Variants in FAM114A1 observed in about 807,000 individuals in gnomAD.
The protein encoded by FAM114A1 is family with sequence similarity 114 member A1, also known as protein NOXP20.
In FAM114A1, 62 loss-of-function variants were observed where a neutral mutation model predicts 64.3. The observed-to-expected ratio is 0.96, with a 90% CI of 0.79 to 1.19. The LOEUF is 1.19. FAM114A1 is among the 50% of genes most tolerant of loss of function. The pLI is 0.00. For synonymous variants in FAM114A1, 254 were observed against 251.1 expected, an observed-to-expected ratio of 1.01 and a Z score of -0.11; for missense variants, 645 against 676.3, an observed-to-expected ratio of 0.95 and a Z score of 0.51.
rs907089218 is a variant in FAM114A1, at chr4:38,943,654, A to T, written c.*97A>T. ...GTTCTCTGTGCGCCTGGCCACAGAC[A>T]TCCATTTGAGGACACTACAAGCAAT... is the stretch of plus-strand genomic sequence containing the variant. On this transcript the variant is annotated 3_prime_UTR_variant, in exon 15 of 15. Transcript: ENST00000358869. The T allele has an allele frequency of 1.9e-6, 2 of 1,052,992 alleles. No individual in the cohort carries two copies. The highest frequency in any genetic ancestry group is 2.9e-6 in the Non-Finnish European group (2 of 688,500). The allele number at this position is 1,052,992 out of a possible 1,614,324, so 65.2% of individuals were successfully genotyped here. A position where few individuals can be genotyped will look rare whatever the true frequency, so the allele number is the denominator to read the frequency against.
chr4:38,908,468 GA>G, intron 6 of FAM114A1, 123 bp from the exon 7 acceptor site: 1 of 923,894 alleles, frequency 1.1e-6, no homozygotes, highest in Non-Finnish European at 1.5e-6. Context: ...CTCCTGATGA[GA>G]AAAAATTGTG....
At chr4:38,935,902 A>G (rs1344290098) in intron 13 of FAM114A1, 112 bp downstream of exon 13, 3 of 773,916 alleles carry the variant, frequency 3.9e-6, no homozygotes, top group Non-Finnish European at 2.2e-6. Context: ...AAGCTATGCC[A>G]TGATGTAAGC....
intron 2 of FAM114A1, among the ~76,000 whole-genome samples, chr4:38,873,185 G>A (rs1409937703): frequency 1.3e-5 from 2 of 152,212 alleles, no homozygotes; most frequent in Non-Finnish European, 2.9e-5. Flanking sequence ...CAGCTCAAGG[G>A]AAGTCTGCAT....
intron 2 of FAM114A1, among the ~76,000 whole-genome samples, chr4:38,875,158 C>A (rs1714486638): frequency 6.6e-6 from 1 of 151,194 alleles, no homozygotes; most frequent in East Asian, 1.9e-4. Context: ...TCTATTTGGG[C>A]CCTTTTTTGG....
rs751284935 is a variant in FAM114A1 at position 38,878,257 on chromosome 4, G to A, written c.179G>A (p.Gly60Asp). 1.5e-5 allele frequency: 24 copies of A among 1,614,078 alleles called. No homozygotes were observed. The Admixed American group carries it at 4.0e-4, about 27-fold the overall frequency. The part of the protein sequence containing the change: ...GEGHENAAVQ[G>D]AGAAAIGPPV... ...GGGCATGAAAATGCAGCTGTGCAGG[G>A]TGCAGGGGCTGCCGCCATTGGGCCC... The change falls in exon 3 of 15, where the codon GGT (glycine) becomes GAT (aspartate). Residue 60 changes from glycine to aspartate, a missense_variant. Gly to Asp is a moderately conservative substitution (Grantham distance 94, BLOSUM62 -1). Transcript: ENST00000358869.
chr4:38,869,102 A>G (rs892646931), intron 2 of FAM114A1, among the ~76,000 whole-genome samples: 9 of 152,182 alleles, frequency 5.9e-5, no homozygotes, highest in Admixed American at 4.6e-4. Flanking sequence ...ATCAAACACA[A>G]TGTATTTCAA....
chr4:38,943,357 G>A (rs77699077), intron 14 of FAM114A1, 99 bp from the exon 15 acceptor site: 69 of 812,438 alleles, frequency 8.5e-5, no homozygotes, highest in Non-Finnish European at 1.3e-4. Flanking sequence ...AATCCAATAT[G>A]GGGGGTGGGT....
intron 12 of FAM114A1, 101 bp from the exon 13 acceptor site, chr4:38,935,617 C>A: frequency 1.3e-6 from 1 of 791,704 alleles, no homozygotes; most frequent in Non-Finnish European, 2.0e-6. Flanking sequence ...GTGTGGCATT[C>A]TTTTAAATGT....
chr4:38,913,240 G>A (rs1299672045), intron 7 of FAM114A1, among the ~76,000 whole-genome samples: 1 of 152,174 alleles, frequency 6.6e-6, no homozygotes, highest in African/African-American at 2.4e-5. Context: ...AAACGCAAGT[G>A]CAGAAAATTG....
intron 2 of FAM114A1, among the ~76,000 whole-genome samples, chr4:38,873,001 G>A (rs574260233): frequency 6.6e-6 from 1 of 152,312 alleles, no homozygotes; most frequent in East Asian, 1.9e-4. Context: ...ACTTCCAAAT[G>A]ACAACAGCCT....
At chr4:38,886,633 GA>G (rs1399338663) in intron 3 of FAM114A1, among the ~76,000 whole-genome samples, 5 of 151,834 alleles carry the variant, frequency 3.3e-5, no homozygotes, top group Admixed American at 6.6e-5. Context: ...AGCATGTATA[GA>G]AATGTAGCCT....
At chr4:38,891,240 C>G (rs1259261623) in intron 3 of FAM114A1, among the ~76,000 whole-genome samples, 1 of 152,174 alleles carries the variant, frequency 6.6e-6, no homozygotes, top group Non-Finnish European at 1.5e-5. Context: ...TCACTACTGC[C>G]CATCCATCGC....
At chr4:38,875,771 C>T (rs745808412) in intron 2 of FAM114A1, among the ~76,000 whole-genome samples, 6 of 152,126 alleles carry the variant, frequency 3.9e-5, no homozygotes, top group African/African-American at 1.4e-4. Context: ...TTTGCCCCTT[C>T]GGTATGATGT....
At position 38,905,580 on chromosome 4, in the gene FAM114A1, A is replaced by G. The variant is rs767658785; in HGVS notation, c.495A>G (p.Val165=). 2.5e-6 allele frequency: 4 copies of G among 1,614,174 alleles called. No individual in the cohort carries two copies. ...GAGCCACTCTACGGATTCATGGTGTAAATTCTGGATCTTCTGAAGGAGCCC... is the reference window on the plus strand; with the variant it reads ...GAGCCACTCTACGGATTCATGGTGTGAATTCTGGATCTTCTGAAGGAGCCC... The part of the protein sequence containing the change: ...KAGATLRIHG[V]NSGSSEGAQP... The change falls in exon 5 of 15, where the codon GTA becomes GTG. Residue 165 remains valine (V), a synonymous_variant. Transcript: ENST00000358869.
chr4:38,894,365 T>C (rs1716708654), intron 4 of FAM114A1, among the ~76,000 whole-genome samples: 1 of 152,156 alleles, frequency 6.6e-6, no homozygotes, highest in Admixed American at 6.5e-5. Context: ...ATTGTGATGG[T>C]TCGCATCTGG....
intron 3 of FAM114A1, among the ~76,000 whole-genome samples, chr4:38,883,167 G>A (rs1348885086): frequency 2.0e-5 from 3 of 152,172 alleles, no homozygotes; most frequent in African/African-American, 7.2e-5. Context: ...AGAAATCTGG[G>A]TGGTGTAACT....
chr4:38,884,566 G>T (rs1715610584), intron 3 of FAM114A1, among the ~76,000 whole-genome samples: 1 of 152,230 alleles, frequency 6.6e-6, no homozygotes, highest in South Asian at 2.1e-4. Flanking sequence ...AGCTAGCAAA[G>T]AATTTATAGT....
At position 38,940,903 on chromosome 4, in the gene FAM114A1, T is replaced by C. The variant is rs191089831; in HGVS notation, c.1537-65T>C. ...CCCTCAACAAAGCTAGTGTATTACA[T>C]TTTACGTGGCAAGCCTTGTAGTATG... On this transcript the variant is annotated intron_variant, in intron 13 of 14. Coordinates refer to ENST00000358869, the MANE Select transcript of FAM114A1 (RefSeq NM_138389.4). 2.8e-3 allele frequency: 4,288 copies of C among 1,536,038 alleles called. 7 individuals are homozygous for C. Among genetic ancestry groups the C allele is most frequent in the Non-Finnish European group, 3.7e-3 (4,061 of 1,110,686 alleles).
At chr4:38,893,123 C>A (rs186334696) in intron 4 of FAM114A1, among the ~76,000 whole-genome samples, 1 of 152,340 alleles carries the variant, frequency 6.6e-6, no homozygotes, top group Admixed American at 6.5e-5. Flanking sequence ...GTTTTCTGAA[C>A]AGGATGCTAT....
Sources: allele counts gnomAD v4.1 joint callset (sites outside exome capture counted in the v4.1 genomes callset), GRCh38; gene constraint gnomAD v4.1.1; transcripts MANE v1.5; gene names NCBI Gene and HGNC (gene_info 2026-07-23, HGNC 2026-07-21).